The following CSMD1 variants were observed in gnomAD, a reference collection of about 807,000 sequenced individuals.
CSMD1 encodes the protein CUB and Sushi multiple domains 1.
In CSMD1, 213 loss-of-function variants were observed where a neutral mutation model predicts 417.5. The observed-to-expected ratio is 0.51, with a 90% confidence interval of 0.46 to 0.57. CSMD1 has a LOEUF of 0.57. CSMD1 is among the 20% of genes least tolerant of loss of function. CSMD1 has a pLI of 0.00. For synonymous variants in CSMD1, 2,862 were observed against 1,736.8 expected, an observed-to-expected ratio of 1.65 and a Z score of -16.11; for missense variants, 6,923 against 4,529.7, an observed-to-expected ratio of 1.53 and a Z score of -15.17.
intron 2 of CSMD1, among the ~76,000 whole-genome samples, chr8:4,553,920 G>C (rs529996920): frequency 6.6e-6 from 1 of 152,144 alleles, no homozygotes; most frequent in Non-Finnish European, 1.5e-5. Flanking sequence ...GACTGGTTCA[G>C]CTGGAATTGA....
intron 1 of CSMD1, among the ~76,000 whole-genome samples, chr8:4,914,007 G>A (rs1227009321): frequency 6.6e-6 from 1 of 152,104 alleles, no homozygotes; most frequent in Non-Finnish European, 1.5e-5. Context: ...TCACATATAA[G>A]GTGTGATGCT....
chr8:4,873,890 C>G (rs1229521031), intron 1 of CSMD1, among the ~76,000 whole-genome samples: 1 of 151,526 alleles, frequency 6.6e-6, no homozygotes, highest in Non-Finnish European at 1.5e-5. Context: ...GGCTTTTAGA[C>G]AAGGCAATTA....
At chr8:4,254,881 C>A (rs546823682) in intron 3 of CSMD1, among the ~76,000 whole-genome samples, 1 of 152,276 alleles carries the variant, frequency 6.6e-6, no homozygotes, top group African/African-American at 2.4e-5. Flanking sequence ...TTCACACAAA[C>A]AAAGATGAAA....
intron 3 of CSMD1, among the ~76,000 whole-genome samples, chr8:4,346,806 T>C (rs990945613): frequency 4.6e-5 from 7 of 152,282 alleles, no homozygotes; most frequent in East Asian, 1.9e-4. Flanking sequence ...GGATACAATG[T>C]CCCGCTGTAG....
At chr8:4,092,120 T>A (rs1800753832) in intron 3 of CSMD1, among the ~76,000 whole-genome samples, 1 of 152,194 alleles carries the variant, frequency 6.6e-6, no homozygotes, top group Non-Finnish European at 1.5e-5. Context: ...GAGAAATACT[T>A]TCTCCTTAAG....
At chr8:4,741,016 A>T (rs1810566632) in intron 1 of CSMD1, among the ~76,000 whole-genome samples, 1 of 152,232 alleles carries the variant, frequency 6.6e-6, no homozygotes. Flanking sequence ...AATTTACTAG[A>T]ACCGAAAGTC....
chr8:3,791,052 T>A (rs1214296006), intron 5 of CSMD1, among the ~76,000 whole-genome samples: 1 of 152,240 alleles, frequency 6.6e-6, no homozygotes, highest in African/African-American at 2.4e-5. Flanking sequence ...ATTTTTAATA[T>A]GATTTATGGC....
chr8:4,006,173 T>G (rs1816094124), intron 4 of CSMD1, among the ~76,000 whole-genome samples: 1 of 152,144 alleles, frequency 6.6e-6, no homozygotes, highest in Admixed American at 6.6e-5. Flanking sequence ...CCCCATGACA[T>G]TTTTGGGTGC....
intron 3 of CSMD1, among the ~76,000 whole-genome samples, chr8:4,334,122 G>C (rs992238444): frequency 7.2e-5 from 11 of 152,012 alleles, no homozygotes; most frequent in Admixed American, 6.6e-4. Flanking sequence ...AACCAAGCTG[G>C]TCTCAAACTC....
At chr8:3,433,561 T>C (rs1159278068) in intron 12 of CSMD1, among the ~76,000 whole-genome samples, 2 of 152,310 alleles carry the variant, frequency 1.3e-5, no homozygotes, top group South Asian at 2.1e-4. Context: ...TCTAAATTAT[T>C]TTCTCATTAA....
At position 3,406,208 on chromosome 8, in the gene CSMD1, A is replaced by T; in HGVS notation, c.2085T>A (p.Asn695Lys). 1 of 1,605,268 alleles carries T rather than the reference A, an allele frequency of 6.2e-7. No homozygotes were observed. Among genetic ancestry groups the T allele is most frequent in the Admixed American group, 1.7e-5 (1 of 58,344 alleles). Residue 695 changes from asparagine to lysine, a missense_variant, in exon 15 of 70, where the codon AAT becomes AAA. Transcript: ENST00000635120. ...TAGGAATGCCAGGATCATGGCACTC[A>T]TTCTGACCAAATGCTGAAAGAAAAA... ...FNITYTTFGQ[N>K]ECHDPGIPIN...
chr8:4,035,361 T>C (rs1797562615), intron 3 of CSMD1, among the ~76,000 whole-genome samples: 1 of 152,200 alleles, frequency 6.6e-6, no homozygotes. Flanking sequence ...ACTATACTTT[T>C]TATCATTATT....
Position 4,287,683 on chromosome 8 carries a change from TTAC to T in CSMD1, c.415+132267_415+132269del, listed in dbSNP as rs113392036. 7.2e-3 allele frequency among the ~76,000 whole-genome samples: 1,081 copies of T among 149,928 alleles called. 8 individuals carry two copies. The highest frequency in any genetic ancestry group is 0.018 in the Middle Eastern group (5 of 282). ...ATTATTATTATTATTATTATTATTA[TTAC>T]TACTACTTTGTAAGTGTATGAAAGA... On this transcript the variant is annotated intron_variant, in intron 3 of 69. Coordinates refer to ENST00000635120, the MANE Select transcript of CSMD1 (RefSeq NM_033225.6).
At chr8:3,978,357 A>C (rs1813604947) in intron 5 of CSMD1, among the ~76,000 whole-genome samples, 1 of 152,046 alleles carries the variant, frequency 6.6e-6, no homozygotes, top group African/African-American at 2.4e-5. Context: ...AGCACATATA[A>C]TTTTTACATC....
chr8:4,141,319 G>C (rs1563177633), intron 3 of CSMD1, among the ~76,000 whole-genome samples: 1 of 151,174 alleles, frequency 6.6e-6, no homozygotes, highest in Non-Finnish European at 1.5e-5. Context: ...AAATTAAGGG[G>C]AAATGAAGCT....
chr8:3,833,536 G>A (rs1276989972), intron 5 of CSMD1, among the ~76,000 whole-genome samples: 1 of 151,930 alleles, frequency 6.6e-6, no homozygotes, highest in Non-Finnish European at 1.5e-5. Flanking sequence ...CAATGAAGAA[G>A]CACTTTTTTT....
chr8:4,172,293 T>TA (rs1797809355), intron 3 of CSMD1, among the ~76,000 whole-genome samples: 1 of 152,190 alleles, frequency 6.6e-6, no homozygotes. Context: ...TGCAATGCAG[T>TA]AACCACTGAG....
chr8:4,187,362 T>C (rs141743835), intron 3 of CSMD1, among the ~76,000 whole-genome samples: 1 of 152,072 alleles, frequency 6.6e-6, no homozygotes, highest in East Asian at 1.9e-4. Context: ...TAAGTAGCAT[T>C]TGGGCCAGGC....
chr8:3,908,114 G>GC (rs1402326572), intron 5 of CSMD1, among the ~76,000 whole-genome samples: 2 of 152,132 alleles, frequency 1.3e-5, no homozygotes, highest in Admixed American at 6.5e-5. Flanking sequence ...GCTTTATGGA[G>GC]CCCCTCTGAG....
Sources: allele counts gnomAD v4.1 joint callset (sites outside exome capture counted in the v4.1 genomes callset), GRCh38; gene constraint gnomAD v4.1.1; transcripts MANE v1.5; gene names NCBI Gene and HGNC (gene_info 2026-07-23, HGNC 2026-07-21).